The following ZNF649 variants were observed in gnomAD, a reference collection of about 807,000 sequenced individuals.
The protein encoded by ZNF649 is zinc finger protein 649.
A neutral mutation model predicts 14.1 loss-of-function variants in ZNF649; 7 were observed. The observed-to-expected ratio is 0.49, with a 90% CI of 0.28 to 0.93. The LOEUF is 0.93. ZNF649 is among the 40% of genes least tolerant of loss of function. ZNF649 has a pLI of 0.10. For missense variants in ZNF649, 544 were observed against 608.1 expected, an observed-to-expected ratio of 0.89 and a Z score of 1.11; for synonymous variants, 227 against 212.3, an observed-to-expected ratio of 1.07 and a Z score of -0.60.
chr19:51,891,792 A>T lies in ZNF649; in HGVS notation c.344T>A (p.Leu115Ter). The T allele has an allele frequency of 6.2e-7, 1 of 1,613,814 alleles. No individual in the cohort carries two copies. The highest frequency in any genetic ancestry group is 8.5e-7 in the Non-Finnish European group (1 of 1,179,958). Residue 115 changes from leucine to a stop codon, truncating the protein, a stop_gained, in exon 5 of 5, where the codon TTA becomes TAA. Transcript: ENST00000354957. LOFTEE classifies it low-confidence loss of function (END_TRUNC). This position sits in a 1 kb window ranked among gnomAD's most constrained non-coding sequence, Gnocchi z 4.2. The part of the protein sequence containing the change: ...YEHGRTLKSY[L>*]GLTNQSRRYN... ...TCTTCTGCTCTGGTTGGTTAAACCTAAATATGATTTCAAAGTTCTTCCGTG... is the reference window on the plus strand; with the variant it reads ...TCTTCTGCTCTGGTTGGTTAAACCTTAATATGATTTCAAAGTTCTTCCGTG...
intron 4 of ZNF649, among the ~76,000 whole-genome samples, chr19:51,892,100 G>A (rs988794005): frequency 5.3e-5 from 8 of 152,198 alleles, no homozygotes; most frequent in Non-Finnish European, 1.2e-4. Context: ...TGCCAGCTGG[G>A]TGCGGTGGCT....
chr19:51,898,054 C>T (rs1051028678), intron 2 of ZNF649, among the ~76,000 whole-genome samples: 5 of 147,336 alleles, frequency 3.4e-5, no homozygotes, highest in Non-Finnish European at 5.9e-5. Context: ...GCGAAGATCA[C>T]GCCACTGCAC....
At chr19:51,904,731 G>A (rs979147663) in intron 1 of ZNF649, among the ~76,000 whole-genome samples, 183 bp downstream of exon 1, 2 of 152,012 alleles carry the variant, frequency 1.3e-5, no homozygotes, top group Non-Finnish European at 1.5e-5. Flanking sequence ...AAACTCTGAC[G>A]CCGAGTCTCA....
At position 51,890,740 on chromosome 19, in the gene ZNF649, G is replaced by C. The variant is rs750937166; in HGVS notation, c.1396C>G (p.Pro466Ala). 6.2e-7 allele frequency: 1 copy of C among 1,614,196 alleles called. No homozygotes were observed. The change falls in exon 5 of 5, where the codon CCT (proline) becomes GCT (alanine). Residue 466 changes from proline to alanine, a missense_variant. By Grantham distance (27) the Pro-to-Ala change is conservative. Transcript: ENST00000354957. Reference protein sequence around the residue: ...KRGDSVKVENPSTASHSLSPS... With the variant: ...KRGDSVKVENASTASHSLSPS... The stretch of plus-strand genomic sequence containing the variant: ...CTTAAGCTGTGACTTGCTGTGGAAG[G>C]ATTTTCCACCTTCACTGAATCCCCC...
chr19:51,890,405 C>T lies in ZNF649; in HGVS notation c.*213G>A, dbSNP rs1474035090. ...CACCAAGTGGAAGCCTCTAAAACTGCCCCCCTCCCCAGCCAAACTCTATGA... is the reference window on the plus strand; with the variant it reads ...CACCAAGTGGAAGCCTCTAAAACTGTCCCCCTCCCCAGCCAAACTCTATGA... On this transcript the variant is annotated 3_prime_UTR_variant, in exon 5 of 5. Transcript: ENST00000354957. The T allele has an allele frequency of 6.2e-6, 3 of 487,540 alleles. No individual in the cohort carries two copies. Among genetic ancestry groups the T allele is most frequent in the Non-Finnish European group, 1.1e-5 (3 of 278,202 alleles). 30.2% of individuals were successfully genotyped at this position (487,540 alleles called of 1,614,324 possible).
intron 2 of ZNF649, among the ~76,000 whole-genome samples, chr19:51,898,922 A>T (rs890622666): frequency 4.8e-5 from 7 of 147,296 alleles, no homozygotes; most frequent in South Asian, 2.1e-4. Flanking sequence ...ATTAAAAAAT[A>T]AAAAATAAAA....
Position 51,890,599 on chromosome 19 carries a change from T to C in ZNF649, c.*19A>G, listed in dbSNP as rs189812601. The C allele has an allele frequency of 6.3e-5, 97 of 1,547,916 alleles. No homozygotes were observed. Among genetic ancestry groups the C allele is most frequent in the Admixed American group, 2.0e-4 (12 of 59,224 alleles). Reference sequence around the variant, plus strand: ...CAGCATTCCGCTGGAGGCTATATGATCAAACAGCAAACTGTTTATCATGAA... The same window carrying C: ...CAGCATTCCGCTGGAGGCTATATGACCAAACAGCAAACTGTTTATCATGAA... On this transcript the variant is annotated 3_prime_UTR_variant, in exon 5 of 5. Transcript: ENST00000354957.
intron 4 of ZNF649, among the ~76,000 whole-genome samples, chr19:51,895,724 A>G (rs2085057474): frequency 6.6e-6 from 1 of 151,802 alleles, no homozygotes; most frequent in East Asian, 1.9e-4. Flanking sequence ...TCTCTCTCTT[A>G]TATAAATGTA....
At chr19:51,898,034 G>A (rs1401672193) in intron 2 of ZNF649, among the ~76,000 whole-genome samples, 1 of 148,658 alleles carries the variant, frequency 6.7e-6, no homozygotes, top group East Asian at 2.0e-4. Context: ...GGATGCAGAG[G>A]TTGCAGTGAG....
chr19:51,895,405 G>A lies in ZNF649; in HGVS notation c.238+1067C>T, dbSNP rs369697188. Among the ~76,000 whole-genome samples the A allele has an allele frequency of 3.9e-3, 590 of 152,014 alleles. 6 individuals carry two copies. The highest frequency in any genetic ancestry group is 0.014 in the Middle Eastern group (4 of 294). Reference sequence around the variant, plus strand: ...GTCACCCAGGCTGGAGTGAAATGGCGCGATCTCAGCTCACTGCAACCTCTG... The same window carrying A: ...GTCACCCAGGCTGGAGTGAAATGGCACGATCTCAGCTCACTGCAACCTCTG... On this transcript the variant is annotated intron_variant, in intron 4 of 4. Transcript: ENST00000354957.
chr19:51,903,627 T>C lies in ZNF649; in HGVS notation c.-188+1287A>G, dbSNP rs2085106803. Among the ~76,000 whole-genome samples the C allele has an allele frequency of 2.0e-5, 3 of 152,202 alleles. No individual in the cohort carries two copies. The South Asian group carries it at 6.2e-4, about 32-fold the overall frequency. Reference sequence around the variant, plus strand: ...TGAGGTCAGGAGTTCAAGACCAGCCTGGCCAACGTGGTGAAAGCCTGTCTC... The same window carrying C: ...TGAGGTCAGGAGTTCAAGACCAGCCCGGCCAACGTGGTGAAAGCCTGTCTC... On this transcript the variant is annotated intron_variant, in intron 1 of 4. Coordinates refer to ENST00000354957, the MANE Select transcript of ZNF649 (RefSeq NM_023074.4).
intron 4 of ZNF649, among the ~76,000 whole-genome samples, chr19:51,892,203 A>T (rs1270865427): frequency 6.6e-6 from 1 of 151,492 alleles, no homozygotes; most frequent in Non-Finnish European, 1.5e-5. Context: ...GTGAAACCCC[A>T]TCTCTACTAA....
chr19:51,891,071 G>A lies in ZNF649; in HGVS notation c.1065C>T (p.Phe355=), dbSNP rs141689126. ...GTGCTACAAGGCAAGACTTCTGGCTGAAGGCCTTGCCACAGTCAATGCATC... is the reference window on the plus strand; with the variant it reads ...GTGCTACAAGGCAAGACTTCTGGCTAAAGGCCTTGCCACAGTCAATGCATC... ...PYGCIDCGKA[F]SQKSCLVAHQ... is the part of the protein sequence containing the mutation. Residue 355 remains phenylalanine, a synonymous_variant, in exon 5 of 5, where the codon TTC becomes TTT. Transcript: ENST00000354957. The surrounding 1 kb of genome is among the most constrained non-coding windows in gnomAD (Gnocchi z 4.2). 9.3e-6 allele frequency: 15 copies of A among 1,614,244 alleles called. No individual in the cohort carries two copies. Among genetic ancestry groups the A allele is most frequent in the Non-Finnish European group, 1.2e-5 (14 of 1,180,042 alleles).
rs1041319616 is a variant in ZNF649 at position 51,896,361 on chromosome 19, G to A, written c.238+111C>T. On this transcript the variant is annotated intron_variant, in intron 4 of 4. Transcript: ENST00000354957. ...CTTGTATCCTAGGGGAGAAGAAGAT[G>A]TGGCAGCTGTTTCTGTCTCCCTAGA... 29 of 869,434 alleles carry A rather than the reference G, an allele frequency of 3.3e-5. No individual in the cohort carries two copies. The Admixed American group carries it at 5.3e-4, about 16-fold the overall frequency. The allele number at this position is 869,434 out of a possible 1,614,324, so 53.9% of individuals were successfully genotyped here.
In ZNF649 at chr19:51,896,550, GT is replaced by G. The variant is rs1321025063; in HGVS notation, c.159del (p.Lys53AsnfsTer17). 3 of 1,614,054 alleles carry G rather than the reference GT, an allele frequency of 1.9e-6. No individual in the cohort carries two copies. The African/African-American group carries it at 4.0e-5, about 22-fold the overall frequency. On this transcript the variant is annotated frameshift_variant, in exon 4 of 5. Transcript: ENST00000354957. LOFTEE classifies it high-confidence loss of function. ...NLVSVGYQAG[K>X]PDALTKLEQG... ...TGTTCCAACTTGGTGAGGGCATCAG[GT>G]TTGCCGGCTTGATACCCTGTTTGTG...
chr19:51,896,296 G>T, intron 4 of ZNF649, 176 bp downstream of exon 4: 1 of 570,236 alleles, frequency 1.8e-6, no homozygotes. Context: ...GAGATAAAGG[G>T]GTATGTATGC....
At chr19:51,903,359 T>G (rs2085105422) in intron 1 of ZNF649, among the ~76,000 whole-genome samples, 1 of 152,042 alleles carries the variant, frequency 6.6e-6, no homozygotes, top group Non-Finnish European at 1.5e-5. Flanking sequence ...CATGGTTAGT[T>G]GCCCTGGCAA....
chr19:51,892,885 G>A (rs2085033891), intron 4 of ZNF649, among the ~76,000 whole-genome samples: 1 of 152,180 alleles, frequency 6.6e-6, no homozygotes, highest in South Asian at 2.1e-4. Context: ...TACATTTAAA[G>A]AATAAACTAT....
rs905068172 is a variant in ZNF649 at position 51,890,914 on chromosome 19, C to T, written c.1222G>A (p.Gly408Arg). Residue 408 changes from glycine to arginine, a missense_variant, in exon 5 of 5, where the codon GGG becomes AGG. Physicochemically the swap from Gly to Arg is moderately radical, Grantham distance 125 (BLOSUM62 -2). Transcript: ENST00000354957. ...ATTGTCTTTGTAAGGAAGGCTTTCC[C>T]ACAGTCACTGCATTTATAGGGTTTC... ...GEKPYKCSDC[G>R]KAFLTKTMLI... The T allele has an allele frequency of 9.3e-6, 15 of 1,614,030 alleles. No homozygotes were observed. Among genetic ancestry groups the T allele is most frequent in the African/African-American group, 1.3e-5 (1 of 74,932 alleles).
Sources: gnomAD v4.1 joint callset for allele counts (sites outside exome capture counted in the v4.1 genomes callset) on GRCh38, gnomAD v4.1.1 for gene constraint, Gnocchi (gnomAD v3.1) non-coding constraint, MANE v1.5 for transcripts, NCBI Gene and HGNC (gene_info 2026-07-23, HGNC 2026-07-21) for gene names.